The following ADAM20 variants were observed in gnomAD, a reference collection of about 807,000 sequenced individuals.
The protein encoded by ADAM20 is disintegrin and metalloproteinase domain-containing protein 20.
For synonymous variants in ADAM20, 305 were observed against 310.2 expected (o/e 0.98, Z 0.18); for missense variants, 871 against 883.2 (o/e 0.99, Z 0.18).
intron 1 of ADAM20, among the ~76,000 whole-genome samples, chr14:70,527,339 C>A (rs1883611646): frequency 6.6e-6 from 1 of 152,154 alleles, no homozygotes; most frequent in South Asian, 2.1e-4. Flanking sequence ...TATAGCCTTA[C>A]CTACTTGAAG....
chr14:70,535,111 T>A (rs1316518234), upstream of ADAM20: 1 of 152,220 alleles, frequency 6.6e-6, no homozygotes, highest in Non-Finnish European at 1.5e-5. Flanking sequence ...TGTAAGGGGA[T>A]GAAGTGACTG....
chr14:70,546,656 AT>A, the ADAM20 span, among the ~76,000 whole-genome samples: 6 of 152,138 alleles, frequency 3.9e-5, no homozygotes, highest in Non-Finnish European at 7.4e-5. Context: ...TAGCTTAGTG[AT>A]TTTGGGGGTC....
At chr14:70,562,203 T>C in the ADAM20 span, among the ~76,000 whole-genome samples, 2 of 152,240 alleles carry the variant, frequency 1.3e-5, no homozygotes, top group African/African-American at 4.8e-5. Flanking sequence ...TGAGACATCA[T>C]GTCAAAAGAG....
the ADAM20 span, among the ~76,000 whole-genome samples, chr14:70,568,421 T>C: frequency 2.6e-5 from 4 of 152,132 alleles, no homozygotes; most frequent in African/African-American, 9.7e-5. Flanking sequence ...AAATGAGAAG[T>C]AGCAGCTCCT....
chr14:70,522,911 G>A lies in ADAM20; in HGVS notation c.1847C>T (p.Pro616Leu), dbSNP rs1883484677. 6.2e-7 allele frequency: 1 copy of A among 1,613,988 alleles called. No homozygotes were observed. ...GEVKDGTVCGPEKICIRKKCA... is the reference protein window; with the variant it reads ...GEVKDGTVCGLEKICIRKKCA... ...CTTCTTACGGATGCAGATCTTTTCTGGACCACATACTGTGCCATCTTTCAC... is the reference window on the plus strand; with the variant it reads ...CTTCTTACGGATGCAGATCTTTTCTAGACCACATACTGTGCCATCTTTCAC... Residue 616 changes from proline (P) to leucine (L), a missense_variant, in exon 2 of 2, where the codon CCA becomes CTA. Physicochemically the swap from Pro to Leu is moderately conservative, Grantham distance 98. Coordinates refer to ENST00000256389, the MANE Select transcript of ADAM20 (RefSeq NM_003814.5).
chr14:70,564,722 A>C, the ADAM20 span, among the ~76,000 whole-genome samples: 2 of 150,748 alleles, frequency 1.3e-5, no homozygotes, highest in Non-Finnish European at 2.9e-5. Context: ...AATATCAACA[A>C]AGAGATAGAC....
intron 1 of ADAM20, among the ~76,000 whole-genome samples, chr14:70,526,723 G>C (rs1410739729): frequency 1.3e-5 from 2 of 152,120 alleles, no homozygotes; most frequent in African/African-American, 4.8e-5. Context: ...TTTGTGAACG[G>C]GTGTATTCTG....
chr14:70,566,346 A>G, the ADAM20 span, among the ~76,000 whole-genome samples: 6 of 152,198 alleles, frequency 3.9e-5, no homozygotes, highest in African/African-American at 1.4e-4. Context: ...AGCATAGTTA[A>G]GCTGTTATCA....
At chr14:70,544,063 T>C in the ADAM20 span, among the ~76,000 whole-genome samples, 1 of 148,616 alleles carries the variant, frequency 6.7e-6, no homozygotes, top group Non-Finnish European at 1.5e-5. Context: ...CGAGATAACC[T>C]CCCCTCCAGC....
At position 70,524,404 on chromosome 14, in the gene ADAM20, G is replaced by A. The variant is rs1026811592; in HGVS notation, c.354C>T (p.Val118=). 6.2e-7 allele frequency: 1 copy of A among 1,613,912 alleles called. No individual in the cohort carries two copies. Residue 118 remains valine (V), a synonymous_variant, in exon 2 of 2, where the codon GTC becomes GTT. Coordinates refer to ENST00000256389, the MANE Select transcript of ADAM20 (RefSeq NM_003814.5). ...DCYYHGYVEG[V]PESLVALSTC... ...TACTAAGGGCAACCAAGGACTCAGG[G>A]ACCCCCTCCACATAACCATGGTAGT...
At chr14:70,541,812 T>C in the ADAM20 span, among the ~76,000 whole-genome samples, 1 of 152,232 alleles carries the variant, frequency 6.6e-6, no homozygotes, top group Non-Finnish European at 1.5e-5. Flanking sequence ...AATTACACTA[T>C]ACATTATCAG....
the ADAM20 span, among the ~76,000 whole-genome samples, chr14:70,564,606 A>G: frequency 6.6e-6 from 1 of 152,152 alleles, no homozygotes; most frequent in Non-Finnish European, 1.5e-5. Context: ...ATTTTCAAAT[A>G]CTGAAAATAA....
the ADAM20 span, among the ~76,000 whole-genome samples, chr14:70,567,566 G>A: frequency 2.3e-4 from 35 of 152,230 alleles, no homozygotes; most frequent in East Asian, 1.9e-3. Context: ...GAATGCATTC[G>A]GAGAAAGCAT....
chr14:70,547,185 G>A, the ADAM20 span: 2 of 152,172 alleles, frequency 1.3e-5, no homozygotes, highest in East Asian at 1.9e-4. Context: ...AAAAAATAAC[G>A]AGATTTAAGC....
chr14:70,526,239 G>A (rs1460151101), intron 1 of ADAM20, among the ~76,000 whole-genome samples: 1 of 151,962 alleles, frequency 6.6e-6, no homozygotes, highest in East Asian at 1.9e-4. Flanking sequence ...TTGGAGACAC[G>A]TTGTTAACAC....
chr14:70,575,655 A>G, the ADAM20 span, among the ~76,000 whole-genome samples: 1 of 152,226 alleles, frequency 6.6e-6, no homozygotes, highest in Non-Finnish European at 1.5e-5. Flanking sequence ...AAACTAAAAA[A>G]TATGCATATT....
the ADAM20 span, among the ~76,000 whole-genome samples, chr14:70,569,885 CAAAAAAAAAAAAAAAAAAA>C: frequency 1.2e-4 from 9 of 76,188 alleles, no homozygotes; most frequent in Admixed American, 1.8e-4. Context: ...AGAAAACTAA[CAAAAAAAAAAAAAAAAAAA>C]AAAAAAAAAA....
At chr14:70,574,036 C>T in the ADAM20 span, among the ~76,000 whole-genome samples, 1 of 152,204 alleles carries the variant, frequency 6.6e-6, no homozygotes, top group Non-Finnish European at 1.5e-5. Flanking sequence ...AGATTATATA[C>T]AGAACAGTCT....
At chr14:70,534,293 C>T (rs1169615077) in intron 1 of ADAM20, among the ~76,000 whole-genome samples, 1 of 151,712 alleles carries the variant, frequency 6.6e-6, no homozygotes, top group Non-Finnish European at 1.5e-5. Flanking sequence ...CTATGGAAAA[C>T]AATATACAGG....
Sources: allele counts gnomAD v4.1 joint callset (sites outside exome capture counted in the v4.1 genomes callset), GRCh38; gene constraint gnomAD v4.1.1; transcripts MANE v1.5; gene names NCBI Gene and HGNC (gene_info 2026-07-23, HGNC 2026-07-21).